The following KLF8 variants were observed in gnomAD, a reference collection of about 807,000 sequenced individuals.
KLF8 encodes the protein Krueppel-like factor 8.
A neutral mutation model predicts 18.2 loss-of-function variants in KLF8; 10 were observed. The observed-to-expected ratio is 0.55, with a 90% CI of 0.34 to 0.93. The LOEUF (loss-of-function observed/expected upper bound fraction) is 0.93. KLF8 is among the 40% of genes least tolerant of loss of function. The pLI, the probability that KLF8 is intolerant of heterozygous loss-of-function variation, is 0.02. For synonymous variants in KLF8, 109 were observed against 97.3 expected (o/e 1.12, Z -0.71); for missense variants, 264 against 277.9 (o/e 0.95, Z 0.36).
chrX:56,138,934 A>C, the KLF8 span, among the ~76,000 whole-genome samples: 3 of 111,369 alleles, frequency 2.7e-5, no homozygotes, highest in Admixed American at 9.6e-5. Context: ...GTCTCAGCCC[A>C]AAAGCCCCTA....
At chrX:56,156,641 T>A in the KLF8 span, among the ~76,000 whole-genome samples, 1 of 109,421 alleles carries the variant, frequency 9.1e-6, no homozygotes, top group Non-Finnish European at 1.9e-5. Flanking sequence ...GTTACATTTG[T>A]ATACATGTGC....
At chrX:56,038,240 G>T in the KLF8 span, among the ~76,000 whole-genome samples, 14 of 111,185 alleles carry the variant, frequency 1.3e-4, no homozygotes, top group Non-Finnish European at 2.1e-4. Context: ...TAAGTTCATG[G>T]GTATATGGTG....
chrX:56,071,427 A>G, the KLF8 span, among the ~76,000 whole-genome samples: 1 of 111,616 alleles, frequency 9.0e-6, no homozygotes, highest in Non-Finnish European at 1.9e-5. Context: ...AAAATAAATT[A>G]TATTAGTGTT....
At chrX:55,928,241 C>A in the KLF8 span, among the ~76,000 whole-genome samples, 1 of 111,898 alleles carries the variant, frequency 8.9e-6, no homozygotes, top group Non-Finnish European at 1.9e-5. Context: ...AGGTGTCCTT[C>A]TCATCATGTC....
chrX:56,258,359 G>A (rs1280448826), intron 2 of KLF8, among the ~76,000 whole-genome samples: 4 of 109,994 alleles, frequency 3.6e-5, no homozygotes, highest in Non-Finnish European at 7.6e-5. Context: ...CGCAAGCTCC[G>A]CCTCCTGCGT....
At chrX:56,053,506 C>T in the KLF8 span, among the ~76,000 whole-genome samples, 1 of 102,553 alleles carries the variant, frequency 9.8e-6, no homozygotes, top group African/African-American at 3.5e-5. Flanking sequence ...GTTTTGATGT[C>T]AGGATCGTGA....
the KLF8 span, among the ~76,000 whole-genome samples, chrX:56,095,212 A>T: frequency 8.9e-6 from 1 of 112,131 alleles, no homozygotes; most frequent in African/African-American, 3.2e-5. Flanking sequence ...ACAAAAATAT[A>T]TACTGGGGAA....
the KLF8 span, among the ~76,000 whole-genome samples, chrX:55,988,513 G>T: frequency 1.8e-5 from 2 of 111,346 alleles, no homozygotes. Flanking sequence ...GATAGTTGTA[G>T]ATATGCGGCA....
At chrX:55,949,958 A>G in the KLF8 span, among the ~76,000 whole-genome samples, 1 of 111,324 alleles carries the variant, frequency 9.0e-6, no homozygotes, top group African/African-American at 3.3e-5. Context: ...ATGCTGTATT[A>G]AAGTTTGAGT....
intron 1 of KLF8, among the ~76,000 whole-genome samples, chrX:56,237,802 C>G (rs1404250274): frequency 8.9e-6 from 1 of 111,906 alleles, no homozygotes; most frequent in East Asian, 2.8e-4. Flanking sequence ...GGCTGGGAGT[C>G]CATGATCAGG....
At chrX:56,225,317 C>A in the KLF8 span, among the ~76,000 whole-genome samples, 1 of 111,451 alleles carries the variant, frequency 9.0e-6, no homozygotes, top group Non-Finnish European at 1.9e-5. Context: ...CACTTGTTTA[C>A]CTGGTAAACT....
At chrX:56,008,726 G>T in the KLF8 span, among the ~76,000 whole-genome samples, 2 of 112,335 alleles carry the variant, frequency 1.8e-5, no homozygotes, top group Non-Finnish European at 3.8e-5. Context: ...CCTCACTGCA[G>T]CTCCAGTCTG....
the KLF8 span, among the ~76,000 whole-genome samples, chrX:56,160,045 T>C: frequency 1.3e-4 from 15 of 112,111 alleles, no homozygotes; most frequent in African/African-American, 4.9e-4. Context: ...AATTTCCCTG[T>C]ACACACTGCT....
the KLF8 span, among the ~76,000 whole-genome samples, chrX:56,003,506 G>A: frequency 1.8e-5 from 2 of 110,863 alleles, no homozygotes; most frequent in Non-Finnish European, 3.8e-5. Flanking sequence ...TTGATCAAGA[G>A]TGCTTAGCCC....
chrX:56,091,215 T>TGAGTG, the KLF8 span, among the ~76,000 whole-genome samples: 2 of 111,206 alleles, frequency 1.8e-5, no homozygotes, highest in Non-Finnish European at 3.8e-5. Context: ...CTTGTGATAA[T>TGAGTG]GAGTGAGTTC....
chrX:55,999,177 T>C, the KLF8 span, among the ~76,000 whole-genome samples: 1 of 109,168 alleles, frequency 9.2e-6, no homozygotes, highest in East Asian at 2.8e-4. Flanking sequence ...TTTTGGGTTC[T>C]CTATCCTGTT....
chrX:56,267,863 T>A (rs2066991596), intron 3 of KLF8: 1 of 111,309 alleles, frequency 9.0e-6, no homozygotes, highest in Non-Finnish European at 1.9e-5. Flanking sequence ...TCATTAACTA[T>A]ACTTGCCTTG....
the KLF8 span, among the ~76,000 whole-genome samples, chrX:56,010,422 T>C: frequency 8.9e-6 from 1 of 112,238 alleles, no homozygotes; most frequent in South Asian, 3.7e-4. Flanking sequence ...TGAGGGAATT[T>C]GTCAGCTCTA....
the KLF8 span, among the ~76,000 whole-genome samples, chrX:56,124,640 T>C: frequency 8.9e-6 from 1 of 112,040 alleles, no homozygotes; most frequent in African/African-American, 3.2e-5. Flanking sequence ...TTCCAGTCTG[T>C]ATCAAGTCTC....
Sources: allele counts gnomAD v4.1 joint callset (sites outside exome capture counted in the v4.1 genomes callset), GRCh38; gene constraint gnomAD v4.1.1; transcripts MANE v1.5; gene names NCBI Gene and HGNC (gene_info 2026-07-23, HGNC 2026-07-21).